Variants in LEKR1 observed in about 807,000 individuals in gnomAD.
The protein encoded by LEKR1 is leucine, glutamate and lysine rich 1.
In LEKR1, 59 loss-of-function variants were observed where a neutral mutation model predicts 72.4. The ratio of observed to expected loss-of-function variants is 0.82; its 90% CI spans 0.66 to 1.01. The LOEUF is 1.01. Among genes scored for constraint, LEKR1 ranks in the 50% least tolerant of loss-of-function variants. LEKR1 has a pLI of 0.00. For synonymous variants in LEKR1, 257 were observed against 263.2 expected (o/e 0.98, Z 0.23); for missense variants, 728 against 759.2 (o/e 0.96, Z 0.48).
At chr3:156,969,175 G>A (rs1728912958) in intron 6 of LEKR1, among the ~76,000 whole-genome samples, 1 of 152,052 alleles carries the variant, frequency 6.6e-6, no homozygotes, top group African/African-American at 2.4e-5. Flanking sequence ...GAGAAAGCAA[G>A]AAAGATCTAA....
intron 6 of LEKR1, among the ~76,000 whole-genome samples, chr3:156,955,258 A>G (rs1727519670): frequency 2.0e-5 from 3 of 151,652 alleles, no homozygotes; most frequent in South Asian, 4.1e-4. Context: ...GGGCTGAGAC[A>G]GGTTTCTAGG....
At chr3:156,850,700 G>C (rs1437669096) in intron 2 of LEKR1, among the ~76,000 whole-genome samples, 1 of 152,194 alleles carries the variant, frequency 6.6e-6, no homozygotes, top group African/African-American at 2.4e-5. Context: ...GCTCATACCA[G>C]CTTGGGCTTG....
intron 3 of LEKR1, among the ~76,000 whole-genome samples, chr3:156,916,442 T>C (rs536150998): frequency 2.0e-5 from 3 of 152,236 alleles, no homozygotes; most frequent in African/African-American, 7.2e-5. Context: ...CTTTGACCAG[T>C]GTTTTATAAT....
At chr3:156,952,650 C>G (rs1727271533) in intron 6 of LEKR1, among the ~76,000 whole-genome samples, 1 of 151,448 alleles carries the variant, frequency 6.6e-6, no homozygotes, top group South Asian at 2.1e-4. Context: ...GACTAGTTTT[C>G]AATATTTGTC....
chr3:156,932,273 A>G (rs2108577307), intron 5 of LEKR1, among the ~76,000 whole-genome samples: 1 of 152,352 alleles, frequency 6.6e-6, no homozygotes, highest in Middle Eastern at 3.4e-3. Flanking sequence ...ATGTTAAACC[A>G]TGAAACTTTA....
chr3:156,969,456 C>T (rs916488052), intron 6 of LEKR1, among the ~76,000 whole-genome samples: 4 of 152,184 alleles, frequency 2.6e-5, no homozygotes, highest in African/African-American at 9.7e-5. Flanking sequence ...ACTGATCCCA[C>T]AGAAATACAA....
chr3:156,957,849 T>C (rs947278719), intron 6 of LEKR1, among the ~76,000 whole-genome samples: 2 of 152,060 alleles, frequency 1.3e-5, no homozygotes, highest in African/African-American at 4.8e-5. Flanking sequence ...CTGGAATACA[T>C]GATCATAGGT....
intron 3 of LEKR1, among the ~76,000 whole-genome samples, chr3:156,871,391 ATTC>A (rs1385564643): frequency 2.6e-5 from 4 of 152,084 alleles, no homozygotes; most frequent in Non-Finnish European, 5.9e-5. Flanking sequence ...AGTCTTTGCT[ATTC>A]TGAATAATGC....
chr3:156,835,351 G>T (rs1176888065), intron 2 of LEKR1, among the ~76,000 whole-genome samples: 1 of 152,210 alleles, frequency 6.6e-6, no homozygotes, highest in Non-Finnish European at 1.5e-5. Flanking sequence ...TGGCTTCAGG[G>T]TGGAGCCCTT....
intron 2 of LEKR1, among the ~76,000 whole-genome samples, chr3:156,833,788 ATCATTGGTTAT>A (rs1712745275): frequency 6.6e-6 from 1 of 152,188 alleles, no homozygotes; most frequent in African/African-American, 2.4e-5. Flanking sequence ...ATAAAATAGT[ATCATTGGTTAT>A]TCATTTAGCA....
intron 12 of LEKR1, among the ~76,000 whole-genome samples, chr3:157,029,702 C>T (rs1035358799): frequency 1.1e-4 from 17 of 152,074 alleles, no homozygotes; most frequent in Admixed American, 2.6e-4. Flanking sequence ...GGAGAGCACA[C>T]GTGGACTTAG....
At chr3:156,937,719 G>A (rs1423715811) in intron 5 of LEKR1, among the ~76,000 whole-genome samples, 2 of 152,184 alleles carry the variant, frequency 1.3e-5, no homozygotes, top group African/African-American at 4.8e-5. Context: ...TTGTATGTAA[G>A]TGTTCATAGC....
At chr3:156,924,347 C>T (rs1351437934) in intron 4 of LEKR1, 3 of 356,002 alleles carry the variant, frequency 8.4e-6, no homozygotes, top group South Asian at 1.3e-4. Flanking sequence ...TGTAAGAGTT[C>T]TTTCTATATT....
chr3:156,989,424 A>C (rs961968038), intron 7 of LEKR1, among the ~76,000 whole-genome samples: 1 of 152,194 alleles, frequency 6.6e-6, no homozygotes, highest in Non-Finnish European at 1.5e-5. Context: ...ATAATAACTC[A>C]CTGTCCTCCA....
intron 1 of LEKR1, among the ~76,000 whole-genome samples, chr3:156,828,731 G>A (rs1711980451): frequency 6.6e-6 from 1 of 152,078 alleles, no homozygotes; most frequent in Admixed American, 6.6e-5. Flanking sequence ...TTATATAAAT[G>A]TCCATCTTAG....
intron 2 of LEKR1, among the ~76,000 whole-genome samples, chr3:156,843,184 A>G (rs1714154127): frequency 6.6e-6 from 1 of 152,224 alleles, no homozygotes; most frequent in Non-Finnish European, 1.5e-5. Context: ...CAACACTTAC[A>G]GATCAGCAAA....
chr3:157,019,994 T>C (rs1188404283), intron 10 of LEKR1, among the ~76,000 whole-genome samples: 3 of 152,162 alleles, frequency 2.0e-5, no homozygotes, highest in East Asian at 3.9e-4. Flanking sequence ...ATTGTGCAAA[T>C]TAAAAACAAA....
intron 10 of LEKR1, among the ~76,000 whole-genome samples, chr3:157,015,324 C>T (rs1733223027): frequency 6.6e-6 from 1 of 152,110 alleles, no homozygotes; most frequent in Non-Finnish European, 1.5e-5. Context: ...TCAATGTGTA[C>T]ATGTGGGAAA....
intron 1 of LEKR1, among the ~76,000 whole-genome samples, chr3:156,828,599 CAAAA>C (rs1268742075): frequency 6.7e-6 from 1 of 150,134 alleles, no homozygotes; most frequent in Non-Finnish European, 1.5e-5. Flanking sequence ...AAAAAAAAAA[CAAAA>C]AACCCAAAGT....
Sources: gnomAD v4.1 joint callset for allele counts (sites outside exome capture counted in the v4.1 genomes callset) on GRCh38, gnomAD v4.1.1 for gene constraint, MANE v1.5 for transcripts, NCBI Gene and HGNC (gene_info 2026-07-23, HGNC 2026-07-21) for gene names.